Variants in TMEM132D observed in about 807,000 individuals in gnomAD.
TMEM132D encodes the protein transmembrane protein 132D.
Under a neutral mutation model 62.3 loss-of-function variants are expected in TMEM132D, and 21 were observed. The ratio of observed to expected loss-of-function variants is 0.34; its 90% CI spans 0.24 to 0.49. The LOEUF is 0.49. Ranked by LOEUF, TMEM132D falls within the 20% of genes least tolerant of loss-of-function variation. TMEM132D has a pLI of 0.99. For synonymous variants in TMEM132D, 621 were observed against 575.6 expected, an observed-to-expected ratio of 1.08 and a Z score of -1.13; for missense variants, 1,346 against 1,402.8, an observed-to-expected ratio of 0.96 and a Z score of 0.65.
At chr12:129,396,060 T>G (rs1304008933) in intron 3 of TMEM132D, among the ~76,000 whole-genome samples, 2 of 149,060 alleles carry the variant, frequency 1.3e-5, no homozygotes, top group Non-Finnish European at 3.0e-5. Context: ...ATATTATATG[T>G]CTATATATTA....
chr12:129,466,820 C>T (rs924722696), intron 3 of TMEM132D, among the ~76,000 whole-genome samples: 5 of 152,142 alleles, frequency 3.3e-5, no homozygotes, highest in African/African-American at 1.2e-4. Flanking sequence ...AGCTTGTTTC[C>T]GGAGCTCATC....
At chr12:129,166,320 CAT>C (rs1877546874) in intron 5 of TMEM132D, among the ~76,000 whole-genome samples, 1 of 151,616 alleles carries the variant, frequency 6.6e-6, no homozygotes, top group African/African-American at 2.4e-5. Flanking sequence ...TAAAGGGCCA[CAT>C]ATGTTTCGTC....
chr12:129,591,670 T>C (rs1489476416), intron 2 of TMEM132D, among the ~76,000 whole-genome samples: 1 of 151,526 alleles, frequency 6.6e-6, no homozygotes, highest in Non-Finnish European at 1.5e-5. Flanking sequence ...ATAATAATAA[T>C]AAAGAAAGAA....
chr12:129,622,113 A>G (rs2172327), intron 2 of TMEM132D, among the ~76,000 whole-genome samples: 58,386 of 152,082 alleles, frequency 0.38, 12,065 homozygotes, highest in South Asian at 0.49. Context: ...AGAGACACAC[A>G]TAAAATCCAG....
At chr12:129,266,799 C>A (rs1880708048) in intron 4 of TMEM132D, among the ~76,000 whole-genome samples, 1 of 152,056 alleles carries the variant, frequency 6.6e-6, no homozygotes, top group African/African-American at 2.4e-5. Flanking sequence ...CTAAATGCAC[C>A]ACAGATCCCT....
intron 3 of TMEM132D, among the ~76,000 whole-genome samples, chr12:129,366,169 G>A (rs1870407000): frequency 6.6e-6 from 1 of 152,042 alleles, no homozygotes; most frequent in African/African-American, 2.4e-5. Flanking sequence ...TTTTGTTTTA[G>A]TAAACACAGT....
At chr12:129,777,104 C>T (rs1002897256) in intron 1 of TMEM132D, among the ~76,000 whole-genome samples, 4 of 152,158 alleles carry the variant, frequency 2.6e-5, no homozygotes, top group Non-Finnish European at 4.4e-5. Context: ...TAAACCTTCC[C>T]CAGGGCAAAG....
At chr12:129,288,007 C>G (rs954657630) in intron 4 of TMEM132D, among the ~76,000 whole-genome samples, 2 of 152,170 alleles carry the variant, frequency 1.3e-5, no homozygotes, top group African/African-American at 4.8e-5. Flanking sequence ...TCTTCTTTCT[C>G]AAGATTGTTT....
chr12:129,130,526 T>C (rs1876346180), intron 5 of TMEM132D, among the ~76,000 whole-genome samples: 1 of 152,282 alleles, frequency 6.6e-6, no homozygotes, highest in East Asian at 1.9e-4. Flanking sequence ...ACCTGCCACG[T>C]TCTAGAACGT....
chr12:129,132,546 GA>G (rs1345716270), intron 5 of TMEM132D, among the ~76,000 whole-genome samples: 1 of 152,152 alleles, frequency 6.6e-6, no homozygotes, highest in African/African-American at 2.4e-5. Flanking sequence ...TAGGTCTCCA[GA>G]AGGTATTTGT....
chr12:129,839,117 A>ATTTTTATTTTTTTTTT (rs1873098318), intron 1 of TMEM132D, among the ~76,000 whole-genome samples: 1 of 20,704 alleles, frequency 4.8e-5, no homozygotes, highest in African/African-American at 1.8e-4. Flanking sequence ...CGCCTGGCTA[A>ATTTTTATTTTTTTTTT]TTTTTTTTTT....
At chr12:129,851,032 C>A (rs1873521485) in intron 1 of TMEM132D, among the ~76,000 whole-genome samples, 1 of 152,076 alleles carries the variant, frequency 6.6e-6, no homozygotes, top group Non-Finnish European at 1.5e-5. Context: ...AAACTGAGGT[C>A]AATATTTACT....
chr12:129,250,693 C>T (rs143282741), intron 4 of TMEM132D, among the ~76,000 whole-genome samples: 14 of 152,280 alleles, frequency 9.2e-5, no homozygotes, highest in Non-Finnish European at 1.3e-4. Context: ...GCTGCCCACA[C>T]GCATGGGATT....
At chr12:129,259,696 A>G (rs1165957267) in intron 4 of TMEM132D, among the ~76,000 whole-genome samples, 3 of 152,206 alleles carry the variant, frequency 2.0e-5, no homozygotes, top group Non-Finnish European at 4.4e-5. Flanking sequence ...TACAGACTAA[A>G]TTGGCAGCTG....
rs528758163 is a variant in TMEM132D, at chr12:129,472,583, G to A, written c.1115+58476C>T. On this transcript the variant is annotated intron_variant, in intron 3 of 8. Transcript: ENST00000422113. Reference sequence around the variant, plus strand: ...CCTGCATGTTCAGCACGTGTATCCCGGAACTTAAAGTAAAAAACAAACAAA... The same window carrying A: ...CCTGCATGTTCAGCACGTGTATCCCAGAACTTAAAGTAAAAAACAAACAAA... Among the ~76,000 whole-genome samples, 8 of 152,100 alleles carry A rather than the reference G, an allele frequency of 5.3e-5. No homozygotes were observed. The South Asian group carries it at 8.3e-4, about 16-fold the overall frequency.
At chr12:129,463,424 C>G (rs1873749984) in intron 3 of TMEM132D, among the ~76,000 whole-genome samples, 1 of 150,592 alleles carries the variant, frequency 6.6e-6, no homozygotes, top group African/African-American at 2.4e-5. Flanking sequence ...AGCCTGTGTC[C>G]TGGGATCCCT....
intron 1 of TMEM132D, chr12:129,852,708 G>C (rs1873586582): frequency 6.6e-6 from 1 of 152,216 alleles, no homozygotes; most frequent in African/African-American, 2.4e-5. Context: ...TGGTATCTTG[G>C]AAGCAGGACA....
At chr12:129,408,729 G>T (rs1219684476) in intron 3 of TMEM132D, among the ~76,000 whole-genome samples, 1 of 151,970 alleles carries the variant, frequency 6.6e-6, no homozygotes, top group Non-Finnish European at 1.5e-5. Flanking sequence ...TAATAATAAA[G>T]GTATGTATAT....
At chr12:129,572,474 G>A (rs534340610) in intron 2 of TMEM132D, among the ~76,000 whole-genome samples, 5 of 152,186 alleles carry the variant, frequency 3.3e-5, no homozygotes, top group African/African-American at 1.2e-4. Flanking sequence ...TTGAGACGGA[G>A]TTTCACTCTT....
Sources: allele counts gnomAD v4.1 joint callset (sites outside exome capture counted in the v4.1 genomes callset), GRCh38; gene constraint gnomAD v4.1.1; transcripts MANE v1.5; gene names NCBI Gene and HGNC (gene_info 2026-07-23, HGNC 2026-07-21).